The following GSE1 variants were observed in gnomAD, a reference collection of about 807,000 sequenced individuals.
GSE1 encodes the protein genetic suppressor element 1.
Under a neutral mutation model 112.6 loss-of-function variants are expected in GSE1, and 32 were observed. That is an observed-to-expected ratio of 0.28 (90% confidence interval 0.21 to 0.38). GSE1 has a LOEUF of 0.38. Among genes scored for constraint, GSE1 ranks in the 10% least tolerant of loss-of-function variants. The probability of loss-of-function intolerance (pLI) is 1.00; values close to 1 mark genes in which losing one functional copy is unlikely to be tolerated. For missense variants in GSE1, 2,348 were observed against 1,699.2 expected, an observed-to-expected ratio of 1.38 and a Z score of -6.71; for synonymous variants, 1,115 against 735.6, an observed-to-expected ratio of 1.52 and a Z score of -8.35.
intron 2 of GSE1, among the ~76,000 whole-genome samples, chr16:85,447,549 C>T (rs2049550280): frequency 2.0e-5 from 3 of 152,312 alleles, no homozygotes; most frequent in African/African-American, 7.2e-5. Context: ...TACCAGCTGT[C>T]ACCAGCTGTC....
intron 1 of GSE1, among the ~76,000 whole-genome samples, chr16:85,209,590 G>T (rs1359698851): frequency 6.6e-6 from 1 of 152,152 alleles, no homozygotes; most frequent in East Asian, 1.9e-4. Context: ...AACGGCTTCT[G>T]CAGCACCGGC....
At chr16:85,170,606 C>A (rs148818981) in exon 1 of GSE1, 34 of 985,382 alleles carry the variant, frequency 3.5e-5, no homozygotes, top group African/African-American at 5.2e-5. Context: ...GACAGCCGGG[C>A]GGCACCAGCA....
At chr16:85,400,625 G>C (rs1185406843) in intron 2 of GSE1, among the ~76,000 whole-genome samples, 2 of 27,600 alleles carry the variant, frequency 7.2e-5, no homozygotes, top group Non-Finnish European at 6.3e-3. Flanking sequence ...GCATGTCTCT[G>C]TGTGTCTGTG....
chr16:85,553,613 A>C (rs913459147), upstream of GSE1, among the ~76,000 whole-genome samples: 4 of 151,852 alleles, frequency 2.6e-5, no homozygotes, highest in Non-Finnish European at 4.4e-5. Context: ...GCCCCGGAGG[A>C]AGGCGGCCGC....
At chr16:85,445,536 C>G (rs1406826165) in intron 2 of GSE1, among the ~76,000 whole-genome samples, 3 of 152,228 alleles carry the variant, frequency 2.0e-5, no homozygotes, top group Non-Finnish European at 4.4e-5. Context: ...ATCTGCTGAG[C>G]CTTCCAAAGG....
intron 1 of GSE1, among the ~76,000 whole-genome samples, 169 bp from the exon 2 acceptor site, chr16:85,633,745 G>A (rs1232100607): frequency 1.3e-5 from 2 of 152,204 alleles, no homozygotes; most frequent in Non-Finnish European, 1.5e-5. Context: ...GACGGGGTCT[G>A]TTCTCTCTGC....
In GSE1 at chr16:85,648,581, G is replaced by A. The variant is rs373579949; in HGVS notation, c.256G>A (p.Val86Met). 30 of 1,597,080 alleles carry A rather than the reference G, an allele frequency of 1.9e-5. No individual in the cohort carries two copies. Among genetic ancestry groups the A allele is most frequent in the Admixed American group, 5.2e-5 (3 of 58,234 alleles). The change falls in exon 3 of 16, where the codon GTG becomes ATG. Residue 86 changes from valine to methionine, a missense_variant. Val to Met is a conservative substitution (Grantham distance 21). Coordinates refer to ENST00000253458, the MANE Select transcript of GSE1 (RefSeq NM_014615.5). ...GSSLSSESSPVSSPATNHSSP... is the reference protein window; with the variant it reads ...GSSLSSESSPMSSPATNHSSP... ...CTCACTGAGCAGCGAGTCGTCCCCC[G>A]TGTCCTCTCCGGCCACCAACCACAG...
intron 1 of GSE1, among the ~76,000 whole-genome samples, chr16:85,614,541 C>A (rs2048245382): frequency 6.6e-6 from 1 of 152,154 alleles, no homozygotes; most frequent in South Asian, 2.1e-4. Flanking sequence ...CACCGCGACA[C>A]CCTCATTAGA....
At chr16:85,194,151 A>G (rs1406819907) in intron 1 of GSE1, among the ~76,000 whole-genome samples, 2 of 152,182 alleles carry the variant, frequency 1.3e-5, no homozygotes, top group Admixed American at 1.3e-4. Context: ...GAATCCGTTC[A>G]GGAGAATGGT....
chr16:85,430,234 CAG>C (rs1322054991), intron 2 of GSE1, among the ~76,000 whole-genome samples: 1 of 152,170 alleles, frequency 6.6e-6, no homozygotes, highest in Non-Finnish European at 1.5e-5. Flanking sequence ...GAAGAGGAAA[CAG>C]ATAGAATGCA....
intron 1 of GSE1, among the ~76,000 whole-genome samples, chr16:85,631,304 C>A (rs61995936): frequency 6.6e-6 from 1 of 152,246 alleles, no homozygotes; most frequent in East Asian, 1.9e-4. Context: ...CCTCCAGTGT[C>A]CCCTGCAGGC....
At chr16:85,304,190 T>C (rs2045602562) in intron 1 of GSE1, among the ~76,000 whole-genome samples, 1 of 152,158 alleles carries the variant, frequency 6.6e-6, no homozygotes, top group Non-Finnish European at 1.5e-5. Context: ...CCCAGAGACA[T>C]AGCCAGCCGT....
chr16:85,413,843 TG>T (rs1398121390), intron 2 of GSE1, among the ~76,000 whole-genome samples: 1 of 152,128 alleles, frequency 6.6e-6, no homozygotes, highest in Non-Finnish European at 1.5e-5. Flanking sequence ...GACTAGATCA[TG>T]GGGGTGGTTT....
At chr16:85,343,186 C>T (rs538193563) in intron 1 of GSE1, among the ~76,000 whole-genome samples, 13 of 152,324 alleles carry the variant, frequency 8.5e-5, no homozygotes, top group African/African-American at 3.1e-4. Flanking sequence ...AGAAACAAAG[C>T]ATGGGTGCAC....
chr16:85,237,018 G>A (rs1247286490), intron 1 of GSE1, among the ~76,000 whole-genome samples: 1 of 152,216 alleles, frequency 6.6e-6, no homozygotes, highest in Non-Finnish European at 1.5e-5. Context: ...CACAGAGGAT[G>A]AAAGAGACTT....
chr16:85,256,509 C>T (rs536678755), intron 1 of GSE1, among the ~76,000 whole-genome samples: 7 of 152,318 alleles, frequency 4.6e-5, no homozygotes, highest in South Asian at 2.1e-4. Context: ...GGTGCTCACT[C>T]GGGGTCAGGG....
chr16:85,511,723 G>A (rs921218412), intron 2 of GSE1, among the ~76,000 whole-genome samples: 26 of 152,286 alleles, frequency 1.7e-4, no homozygotes, highest in Admixed American at 9.2e-4. Flanking sequence ...GGCAGAGGGA[G>A]ATTTGAGACA....
exon 1 of GSE1, chr16:85,171,387 C>A: frequency 1.0e-6 from 1 of 985,678 alleles, no homozygotes; most frequent in Non-Finnish European, 1.2e-6. Context: ...AGAAGGAGCC[C>A]TTCTTCCCCT....
chr16:85,626,063 G>A (rs539300075), intron 1 of GSE1, among the ~76,000 whole-genome samples: 1 of 152,160 alleles, frequency 6.6e-6, no homozygotes, highest in African/African-American at 2.4e-5. Flanking sequence ...GGCCCTGGCC[G>A]GTTTCTGGGG....
Sources: gnomAD v4.1 joint callset for allele counts (sites outside exome capture counted in the v4.1 genomes callset) on GRCh38, gnomAD v4.1.1 for gene constraint, MANE v1.5 for transcripts, NCBI Gene and HGNC (gene_info 2026-07-23, HGNC 2026-07-21) for gene names.